The following CCDC88C variants were observed in gnomAD, a reference collection of about 807,000 sequenced individuals.
The protein encoded by CCDC88C is protein Daple.
Under a neutral mutation model 198.8 loss-of-function variants are expected in CCDC88C, and 131 were observed. The observed-to-expected ratio is 0.66, with a 90% CI of 0.57 to 0.76. CCDC88C has a LOEUF of 0.76. CCDC88C is among the 30% of genes least tolerant of loss of function. The pLI, the probability that CCDC88C is intolerant of heterozygous loss-of-function variation, is 0.00. For missense variants in CCDC88C, 2,553 were observed against 2,631.6 expected, an observed-to-expected ratio of 0.97 and a Z score of 0.65; for synonymous variants, 1,166 against 1,114.7, an observed-to-expected ratio of 1.05 and a Z score of -0.92.
At chr14:91,323,078 G>T (rs1462966528) in intron 12 of CCDC88C, among the ~76,000 whole-genome samples, 1 of 151,916 alleles carries the variant, frequency 6.6e-6, no homozygotes. Context: ...ACTAATTTTT[G>T]TACTTTTAGT....
Position 91,373,947 on chromosome 14 carries a change from T to C in CCDC88C, c.271-14236A>G, listed in dbSNP as rs1894954881. 4.6e-5 allele frequency among the ~76,000 whole-genome samples: 7 copies of C among 152,234 alleles called. No individual in the cohort carries two copies. The South Asian group carries it at 1.5e-3, about 32-fold the overall frequency. Reference sequence around the variant, plus strand: ...CCGGCAATGATCACTTCCTCAGCAATCAGTGCCCCCAGGCCCCTCTCTCGT... The same window carrying C: ...CCGGCAATGATCACTTCCTCAGCAACCAGTGCCCCCAGGCCCCTCTCTCGT... On this transcript the variant is annotated intron_variant, in intron 3 of 29. Transcript: ENST00000389857.
intron 3 of CCDC88C, among the ~76,000 whole-genome samples, chr14:91,404,014 G>A (rs1374274705): frequency 6.6e-6 from 1 of 152,248 alleles, no homozygotes; most frequent in Non-Finnish European, 1.5e-5. Context: ...GGAGGACACA[G>A]GGTAAACCTG....
At chr14:91,343,720 T>C in intron 4 of CCDC88C, 63 bp from the exon 5 acceptor site, 1 of 1,601,394 alleles carries the variant, frequency 6.2e-7, no homozygotes. Context: ...AGTGACATGT[T>C]TACCGTAGGG....
intron 10 of CCDC88C, among the ~76,000 whole-genome samples, chr14:91,330,911 G>A (rs1268795286): frequency 2.0e-5 from 3 of 152,100 alleles, no homozygotes; most frequent in Non-Finnish European, 4.4e-5. Context: ...AAAGCCCAGA[G>A]GAGAAGCAGA....
chr14:91,398,833 G>T (rs943720855), intron 3 of CCDC88C, among the ~76,000 whole-genome samples: 1 of 152,194 alleles, frequency 6.6e-6, no homozygotes, highest in African/African-American at 2.4e-5. Flanking sequence ...GGAAGCTACT[G>T]CCAGCAGCCT....
At chr14:91,395,331 T>C (rs1885780224) in intron 3 of CCDC88C, among the ~76,000 whole-genome samples, 1 of 152,170 alleles carries the variant, frequency 6.6e-6, no homozygotes, top group African/African-American at 2.4e-5. Flanking sequence ...TATTATTCAC[T>C]GATTAAAGAA....
intron 3 of CCDC88C, among the ~76,000 whole-genome samples, chr14:91,401,862 C>G (rs1169675652): frequency 3.3e-5 from 5 of 152,188 alleles, no homozygotes; most frequent in Non-Finnish European, 7.3e-5. Flanking sequence ...AATCCTGTCC[C>G]TGCCCATCAA....
chr14:91,281,152 C>T (rs1337662908), intron 27 of CCDC88C: 11 of 541,480 alleles, frequency 2.0e-5, no homozygotes, highest in Admixed American at 1.8e-4. Flanking sequence ...TTGAAATGAA[C>T]GCTCCCCACC....
rs1388759313 is a variant in CCDC88C, at chr14:91,313,986, C to T, written c.1830G>A (p.Glu610=). 2 of 1,613,894 alleles carry T rather than the reference C, an allele frequency of 1.2e-6. No individual in the cohort carries two copies. Among genetic ancestry groups the T allele is most frequent in the Admixed American group, 3.3e-5 (2 of 60,016 alleles). Residue 610 remains glutamate (E), a synonymous_variant, in exon 15 of 30, where the codon GAG becomes GAA. Transcript: ENST00000389857. This position sits in a 1 kb window ranked among gnomAD's most constrained non-coding sequence, Gnocchi z 5.2. ...CCCTGTGCAGCTGCCGCTTCTCAAACTCCAACTGGCTGAGCTTGCCATTGG... is the reference window on the plus strand; with the variant it reads ...CCCTGTGCAGCTGCCGCTTCTCAAATTCCAACTGGCTGAGCTTGCCATTGG... ...TEANGKLSQL[E]FEKRQLHRDL...
chr14:91,416,202 T>C (rs1887038213), intron 2 of CCDC88C, among the ~76,000 whole-genome samples: 1 of 152,206 alleles, frequency 6.6e-6, no homozygotes. Context: ...GGGACCCTCC[T>C]AACACTGTGA....
chr14:91,375,876 G>A (rs1747464176), intron 3 of CCDC88C, among the ~76,000 whole-genome samples: 1 of 152,210 alleles, frequency 6.6e-6, no homozygotes, highest in Non-Finnish European at 1.5e-5. Context: ...CGTTCAATGG[G>A]GCAGGTGCCG....
intron 10 of CCDC88C, among the ~76,000 whole-genome samples, chr14:91,333,419 A>G (rs1892915745): frequency 6.6e-6 from 1 of 152,200 alleles, no homozygotes; most frequent in Non-Finnish European, 1.5e-5. Flanking sequence ...TAACAGATTG[A>G]GTTGGTGTAG....
chr14:91,412,017 AAG>A (rs2030400134), intron 2 of CCDC88C, among the ~76,000 whole-genome samples: 1 of 152,094 alleles, frequency 6.6e-6, no homozygotes, highest in Non-Finnish European at 1.5e-5. Flanking sequence ...GAATTTTAAA[AAG>A]AGTTATAATT....
intron 12 of CCDC88C, among the ~76,000 whole-genome samples, chr14:91,322,000 C>T (rs998706622): frequency 6.6e-6 from 1 of 152,042 alleles, no homozygotes; most frequent in Non-Finnish European, 1.5e-5. Context: ...AATGGGAGTT[C>T]CTGGCCCCCT....
At chr14:91,398,946 C>T (rs566394991) in intron 3 of CCDC88C, among the ~76,000 whole-genome samples, 1 of 152,146 alleles carries the variant, frequency 6.6e-6, no homozygotes, top group Non-Finnish European at 1.5e-5. Flanking sequence ...GGCACTGAGC[C>T]GCCCACAGCT....
rs142408561 is a variant in CCDC88C at position 91,338,698 on chromosome 14, G to A, written c.810-128C>T. 4.8e-3 allele frequency: 3,342 copies of A among 691,812 alleles called. 21 individuals carry two copies. Among genetic ancestry groups the A allele is most frequent in the South Asian group, 8.1e-3 (493 of 60,498 alleles). 42.9% of individuals were successfully genotyped at this position (691,812 alleles called of 1,614,324 possible). On this transcript the variant is annotated intron_variant, in intron 8 of 29. Coordinates refer to ENST00000389857, the MANE Select transcript of CCDC88C (RefSeq NM_001080414.4). The surrounding 1 kb of genome is among the most constrained non-coding windows in gnomAD (Gnocchi z 4.8). ...CTCGGGATTTGGGCGGTGGGGAGGC[G>A]ATCTGCTTATGGGGCCTGCAAAAAT...
intron 28 of CCDC88C, 114 bp from the exon 29 acceptor site, chr14:91,278,325 T>G: frequency 9.4e-7 from 1 of 1,067,834 alleles, no homozygotes; most frequent in Non-Finnish European, 1.3e-6. Context: ...TAAAATCCCT[T>G]GCCCGAAAAC....
chr14:91,305,920 C>G lies in CCDC88C; in HGVS notation c.3202G>C (p.Ala1068Pro). Reference protein sequence around the residue: ...RAIELERNNAALQAEKQLLKE... With the variant: ...RAIELERNNAPLQAEKQLLKE... ...AGCAGCTGCTTCTCAGCCTGCAGAGCTGCATTCTAGAAGATCGGGAGGCAT... is the reference window on the plus strand; with the variant it reads ...AGCAGCTGCTTCTCAGCCTGCAGAGGTGCATTCTAGAAGATCGGGAGGCAT... The change falls in exon 19 of 30, where the codon GCT becomes CCT. Residue 1068 changes from alanine to proline, a missense_variant. Physicochemically the swap from Ala to Pro is conservative, Grantham distance 27. This residue lies in a region of CCDC88C where 1,260 missense variants were observed against 1,412.0 expected (regional missense o/e 0.89). Coordinates refer to ENST00000389857, the MANE Select transcript of CCDC88C (RefSeq NM_001080414.4). 1 of 1,613,182 alleles carries G rather than the reference C, an allele frequency of 6.2e-7. No homozygotes were observed. Among genetic ancestry groups the G allele is most frequent in the Non-Finnish European group, 8.5e-7 (1 of 1,179,770 alleles).
rs1166040105 is a variant in CCDC88C, at chr14:91,283,494, G to A, written c.4465C>T (p.Arg1489Ter). 7.4e-6 allele frequency: 12 copies of A among 1,611,342 alleles called. No individual in the cohort carries two copies. The highest frequency in any genetic ancestry group is 2.7e-5 in the African/African-American group (2 of 74,866). The change falls in exon 26 of 30, where the codon CGA (arginine) becomes TGA (stop). Residue 1489 changes from arginine to a stop codon, truncating the protein, a stop_gained. Transcript: ENST00000389857. LOFTEE classifies it high-confidence loss of function. ...AGGCTGCCTCTGTGTGGGGAGCCTC[G>A]CTTTGGTTTTAGATCCCCAGGGCCT... ...GKGPGDLKPK[R>*]GSPHRGSLDR...
Sources: allele counts gnomAD v4.1 joint callset (sites outside exome capture counted in the v4.1 genomes callset), GRCh38; gene constraint gnomAD v4.1.1; regional missense constraint gnomAD v4.1.1; non-coding constraint Gnocchi (gnomAD v3.1); transcripts MANE v1.5; gene names NCBI Gene and HGNC (gene_info 2026-07-23, HGNC 2026-07-21).